The following MRTFA variants were observed in gnomAD, a reference collection of about 807,000 sequenced individuals.
MRTFA encodes myocardin related transcription factor A.
In MRTFA, 20 loss-of-function variants were observed where a neutral mutation model predicts 83.5. The ratio of observed to expected loss-of-function variants is 0.24; its 90% confidence interval spans 0.17 to 0.35. MRTFA has a LOEUF of 0.35. Among genes scored for constraint, MRTFA ranks in the 10% least tolerant of loss-of-function variants. MRTFA has a pLI of 1.00. For missense variants in MRTFA, 1,200 were observed against 1,224.7 expected (o/e 0.98, Z 0.30); for synonymous variants, 659 against 541.2 (o/e 1.22, Z -3.02).
At chr22:40,429,467 G>A (rs2053023286) in intron 7 of MRTFA, 139 bp downstream of exon 7, 1 of 973,006 alleles carries the variant, frequency 1.0e-6, no homozygotes, top group East Asian at 2.6e-5. Context: ...CAAACTCTGT[G>A]CCTTGGTTCT....
rs201635580 is a variant in MRTFA, at chr22:40,418,895, G to A, written c.1843C>T (p.Arg615Trp). 97 of 1,612,424 alleles carry A rather than the reference G, an allele frequency of 6.0e-5. No homozygotes were observed. The highest frequency in any genetic ancestry group is 7.6e-5 in the Non-Finnish European group (90 of 1,179,788). The change falls in exon 12 of 15, where the codon CGG becomes TGG. Residue 615 changes from arginine to tryptophan, a missense_variant. Transcript: ENST00000355630. ...TTGTCGCGCCCCTCTAGCTCCGCCCGCCCCCCAGGGCTCAGGCAACAGGAC... is the reference window on the plus strand; with the variant it reads ...TTGTCGCGCCCCTCTAGCTCCGCCCACCCCCCAGGGCTCAGGCAACAGGAC...
intron 3 of MRTFA, among the ~76,000 whole-genome samples, chr22:40,505,070 T>C (rs2054559053): frequency 6.6e-6 from 1 of 152,226 alleles, no homozygotes; most frequent in Admixed American, 6.5e-5. Flanking sequence ...CTCTATGCAA[T>C]GGATACTCAA....
chr22:40,508,700 G>T (rs1272146712), intron 3 of MRTFA, among the ~76,000 whole-genome samples: 6 of 146,076 alleles, frequency 4.1e-5, no homozygotes, highest in Non-Finnish European at 3.0e-5. Flanking sequence ...TGGTTTGAGG[G>T]TACTTTTTTT....
intron 1 of MRTFA, among the ~76,000 whole-genome samples, chr22:40,610,083 T>C (rs1406158906): frequency 1.3e-5 from 2 of 148,604 alleles, no homozygotes; most frequent in African/African-American, 5.0e-5. Flanking sequence ...TCTCACCCTG[T>C]TGCCCAGGCT....
intron 3 of MRTFA, among the ~76,000 whole-genome samples, chr22:40,537,304 C>T (rs1436474119): frequency 6.1e-4 from 2 of 3,294 alleles, no homozygotes; most frequent in East Asian, 9.3e-3. Context: ...TCTGCCCGGC[C>T]GCCCCTACTG....
chr22:40,592,066 T>A (rs1267430209), intron 2 of MRTFA, among the ~76,000 whole-genome samples: 2 of 152,130 alleles, frequency 1.3e-5, no homozygotes, highest in African/African-American at 4.8e-5. Context: ...ATAGAGATGG[T>A]ATCTCCCATG....
rs547832494 is a variant in MRTFA at position 40,483,567 on chromosome 22, C to T, written c.242-20281G>A. Among the ~76,000 whole-genome samples the T allele has an allele frequency of 6.6e-5, 10 of 151,706 alleles. No homozygotes were observed. The South Asian group carries it at 2.1e-3, about 32-fold the overall frequency. Reference sequence around the variant, plus strand: ...GGGTGTGGTGGGGGGCGCCTGTAGTCCCAGCTACTCGGGAGGCTGAGGCAG... The same window carrying T: ...GGGTGTGGTGGGGGGCGCCTGTAGTTCCAGCTACTCGGGAGGCTGAGGCAG... On this transcript the variant is annotated intron_variant, in intron 3 of 14. Coordinates refer to ENST00000355630, the MANE Select transcript of MRTFA (RefSeq NM_020831.6).
chr22:40,544,108 GA>G (rs967738031), intron 3 of MRTFA, among the ~76,000 whole-genome samples: 3 of 151,732 alleles, frequency 2.0e-5, no homozygotes, highest in African/African-American at 7.3e-5. Flanking sequence ...GAATCCACTT[GA>G]AAAAAAATTA....
intron 3 of MRTFA, among the ~76,000 whole-genome samples, chr22:40,535,635 G>C (rs1376774893): frequency 6.6e-6 from 1 of 152,082 alleles, no homozygotes; most frequent in Non-Finnish European, 1.5e-5. Flanking sequence ...TTACAGGCCT[G>C]AACCACCACA....
chr22:40,501,095 G>A (rs1410989571), intron 3 of MRTFA, among the ~76,000 whole-genome samples: 103 of 83,912 alleles, frequency 1.2e-3, no homozygotes, highest in African/African-American at 5.5e-3. Flanking sequence ...CAGTAGGGGC[G>A]GCCGGGCAGA....
chr22:40,475,577 C>T (rs1020427184), intron 3 of MRTFA, among the ~76,000 whole-genome samples: 1 of 152,106 alleles, frequency 6.6e-6, no homozygotes, highest in Non-Finnish European at 1.5e-5. Context: ...AAGAAAGACA[C>T]TAACATCTAG....
At chr22:40,623,931 T>C (rs900396133) in intron 1 of MRTFA, among the ~76,000 whole-genome samples, 1 of 152,030 alleles carries the variant, frequency 6.6e-6, no homozygotes, top group Non-Finnish European at 1.5e-5. Context: ...AGAGACTCCA[T>C]CTCTACAAAA....
At chr22:40,518,143 G>C (rs2054792323) in intron 3 of MRTFA, among the ~76,000 whole-genome samples, 1 of 152,098 alleles carries the variant, frequency 6.6e-6, no homozygotes, top group Admixed American at 6.5e-5. Flanking sequence ...ACAAATTTAA[G>C]TAAAGGGCCT....
intron 13 of MRTFA, 24 bp from the exon 14 acceptor site, chr22:40,417,070 AAAG>A (rs1168311988): frequency 1.3e-6 from 2 of 1,562,938 alleles, no homozygotes; most frequent in East Asian, 2.3e-5. Flanking sequence ...GAAAAAAAAA[AAAG>A]AGATAAAAAT....
At chr22:40,454,671 T>C (rs143333686) in intron 4 of MRTFA, among the ~76,000 whole-genome samples, 77 of 152,360 alleles carry the variant, frequency 5.1e-4, no homozygotes, top group African/African-American at 1.8e-3. Context: ...GATGGGTTAT[T>C]ATCCCAACTA....
chr22:40,424,210 G>A lies in MRTFA; in HGVS notation c.773C>T (p.Thr258Ile). 1.9e-6 allele frequency: 3 copies of A among 1,596,970 alleles called. No homozygotes were observed. The highest frequency in any genetic ancestry group is 1.1e-5 in the South Asian group (1 of 89,046). ...CATCTGGAAGCACACACTCACCTGG[G>A]TGGGGGATGCAGAGGTGGCACTGAG... Residue 258 changes from threonine to isoleucine, a missense_variant, in exon 8 of 15, where the codon ACC (threonine) becomes ATC (isoleucine). Around this residue, in one of 2 missense-constraint regions of MRTFA, gnomAD observed 1,107 missense variants for 1,041.8 expected, o/e 1.06. Coordinates refer to ENST00000355630, the MANE Select transcript of MRTFA (RefSeq NM_020831.6).
intron 2 of MRTFA, among the ~76,000 whole-genome samples, chr22:40,574,241 T>A (rs954609757): frequency 1.3e-5 from 2 of 152,142 alleles, no homozygotes; most frequent in Non-Finnish European, 2.9e-5. Context: ...AACATTATCA[T>A]AAAAACACAG....
intron 1 of MRTFA, among the ~76,000 whole-genome samples, chr22:40,598,740 T>C (rs73169060): frequency 0.1 from 15,358 of 151,060 alleles, 935 homozygotes; most frequent in East Asian, 0.25. Context: ...CACCTGTAAT[T>C]CCAGTATTTT....
intron 3 of MRTFA, among the ~76,000 whole-genome samples, chr22:40,482,678 C>T (rs1174501240): frequency 2.6e-5 from 4 of 152,166 alleles, no homozygotes; most frequent in Non-Finnish European, 5.9e-5. Context: ...TCTGCCCATT[C>T]ACTGAGAAAA....
Sources: allele counts gnomAD v4.1 joint callset (sites outside exome capture counted in the v4.1 genomes callset), GRCh38; gene constraint gnomAD v4.1.1; regional missense constraint gnomAD v4.1.1; transcripts MANE v1.5; gene names NCBI Gene and HGNC (gene_info 2026-07-23, HGNC 2026-07-21).